The following TMEM131 variants were observed in gnomAD, a reference collection of about 807,000 sequenced individuals.
TMEM131 encodes 2610524E03Rik.
A neutral mutation model predicts 211.6 loss-of-function variants in TMEM131; 66 were observed. The observed-to-expected ratio is 0.31, with a 90% CI of 0.26 to 0.38. TMEM131 has a LOEUF of 0.38. TMEM131 is among the 10% of genes least tolerant of loss of function. The probability of loss-of-function intolerance (pLI) is 1.00; values close to 1 mark genes in which losing one functional copy is unlikely to be tolerated. For missense variants in TMEM131, 2,036 were observed against 2,299.3 expected (o/e 0.89, Z 2.34); for synonymous variants, 844 against 841.3 (o/e 1.00, Z -0.06).
In TMEM131 at chr2:97,766,109, C is replaced by T; in HGVS notation, c.4723+5G>A. ...GCCCTGTGGTTTCTAAACTACTATA[C>T]TTACAGCTGCCAGGTTTGTGAACTG... On this transcript the variant is annotated splice_donor_5th_base_variant and intron_variant, in intron 35 of 40. Coordinates refer to ENST00000186436, the MANE Select transcript of TMEM131 (RefSeq NM_015348.2). 1 of 1,613,908 alleles carries T rather than the reference C, an allele frequency of 6.2e-7. No homozygotes were observed. Among genetic ancestry groups the T allele is most frequent in the Non-Finnish European group, 8.5e-7 (1 of 1,179,822 alleles).
chr2:97,881,828 A>T (rs1348280209), intron 4 of TMEM131, among the ~76,000 whole-genome samples: 3 of 151,934 alleles, frequency 2.0e-5, no homozygotes, highest in Non-Finnish European at 4.4e-5. Context: ...AATAACATTC[A>T]TGTTAAAAAG....
At chr2:97,861,762 C>G (rs1173572293) in intron 4 of TMEM131, among the ~76,000 whole-genome samples, 1 of 152,104 alleles carries the variant, frequency 6.6e-6, no homozygotes, top group Non-Finnish European at 1.5e-5. Flanking sequence ...CTGGACTGGT[C>G]TGGACACACC....
chr2:97,879,789 T>A (rs188460227), intron 4 of TMEM131, among the ~76,000 whole-genome samples: 45 of 152,316 alleles, frequency 3.0e-4, no homozygotes, highest in Non-Finnish European at 5.1e-4. Context: ...ATAATGCCTA[T>A]TACATACAAA....
intron 4 of TMEM131, among the ~76,000 whole-genome samples, chr2:97,866,456 G>A (rs1674275238): frequency 6.6e-6 from 1 of 152,134 alleles, no homozygotes; most frequent in Admixed American, 6.5e-5. Context: ...CTAAAGGTTT[G>A]ACAATTCGAT....
At chr2:97,979,505 C>T (rs1464851078) in intron 1 of TMEM131, among the ~76,000 whole-genome samples, 4 of 152,218 alleles carry the variant, frequency 2.6e-5, no homozygotes, top group South Asian at 2.1e-4. Context: ...ACTTGTACAT[C>T]GGCACTTAAC....
rs577060222 is a variant in TMEM131 at position 97,814,847 on chromosome 2, C to T, written c.1292+352G>A. On this transcript the variant is annotated intron_variant, in intron 13 of 40. Transcript: ENST00000186436. ...TAAAGGAATATAAAGAATTCTGTTTCGAGTGTCAAAATACTTTAATAATAG... is the reference window on the plus strand; with the variant it reads ...TAAAGGAATATAAAGAATTCTGTTTTGAGTGTCAAAATACTTTAATAATAG... Among the ~76,000 whole-genome samples, 14 of 152,076 alleles carry T rather than the reference C, an allele frequency of 9.2e-5. No individual in the cohort carries two copies. In the South Asian group the frequency reaches 1.0e-3, roughly 11 times the overall value.
chr2:97,864,241 G>T (rs552838970), intron 4 of TMEM131, among the ~76,000 whole-genome samples: 1 of 152,084 alleles, frequency 6.6e-6, no homozygotes, highest in Non-Finnish European at 1.5e-5. Context: ...GGATAGCAGC[G>T]GGGATGGGTA....
chr2:97,797,281 T>G (rs567597489), intron 26 of TMEM131, 84 bp downstream of exon 26: 1 of 1,277,338 alleles, frequency 7.8e-7, no homozygotes, highest in African/African-American at 1.5e-5. Context: ...TTTCATAAGT[T>G]AGACATGCAA....
At chr2:97,947,412 G>C (rs906467022) in intron 1 of TMEM131, among the ~76,000 whole-genome samples, 21 of 151,840 alleles carry the variant, frequency 1.4e-4, no homozygotes, top group Non-Finnish European at 2.8e-4. Flanking sequence ...TAGGAAAGTA[G>C]GAAAATGCAA....
rs1369081155 is a variant in TMEM131 at position 97,792,918 on chromosome 2, G to C, written c.3612C>G (p.Ser1204=). The C allele has an allele frequency of 4.3e-6, 7 of 1,611,976 alleles. No homozygotes were observed. The Admixed American group carries it at 1.2e-4, about 27-fold the overall frequency. The change falls in exon 31 of 41, where the codon TCC becomes TCG. Residue 1204 remains serine, a synonymous_variant. Transcript: ENST00000186436. ...GCTTATGACTCCCGGCACTGGGTCGGGATGATGAACCGCCTGCTCCACAGA... is the reference window on the plus strand; with the variant it reads ...GCTTATGACTCCCGGCACTGGGTCGCGATGATGAACCGCCTGCTCCACAGA... ...RGFCGAGGSS[S]RPSAGSHKQC... is the part of the protein sequence containing the mutation.
intron 31 of TMEM131, among the ~76,000 whole-genome samples, chr2:97,786,487 C>G (rs1680254571): frequency 6.6e-6 from 1 of 152,308 alleles, no homozygotes; most frequent in African/African-American, 2.4e-5. Context: ...TGAGATCACA[C>G]CACTGCACTC....
At chr2:97,958,444 C>A (rs1330761367) in intron 1 of TMEM131, among the ~76,000 whole-genome samples, 1 of 152,164 alleles carries the variant, frequency 6.6e-6, no homozygotes, top group Non-Finnish European at 1.5e-5. Context: ...CAGTAACAAA[C>A]CCTGAAACCA....
intron 4 of TMEM131, among the ~76,000 whole-genome samples, chr2:97,882,770 T>C (rs1674989335): frequency 6.6e-6 from 1 of 152,222 alleles, no homozygotes. Flanking sequence ...TGCCTCTGAT[T>C]GAACCCTTAC....
At chr2:97,911,847 T>C (rs1250316490) in intron 2 of TMEM131, among the ~76,000 whole-genome samples, 11 of 152,198 alleles carry the variant, frequency 7.2e-5, no homozygotes, top group Non-Finnish European at 4.4e-5. Flanking sequence ...ATTTTGTTTC[T>C]GAAGCAATTT....
chr2:97,987,195 A>T (rs1356293276), intron 1 of TMEM131, among the ~76,000 whole-genome samples: 1 of 152,234 alleles, frequency 6.6e-6, no homozygotes, highest in Non-Finnish European at 1.5e-5. Flanking sequence ...ATCACTTTGC[A>T]ATCATTATAA....
At chr2:97,986,178 T>C (rs1573656208) in intron 1 of TMEM131, among the ~76,000 whole-genome samples, 1 of 152,288 alleles carries the variant, frequency 6.6e-6, no homozygotes, top group Non-Finnish European at 1.5e-5. Flanking sequence ...TTAAAATAAA[T>C]TAAAACAACG....
intron 8 of TMEM131, among the ~76,000 whole-genome samples, chr2:97,836,789 G>C (rs938668662): frequency 5.9e-5 from 9 of 151,940 alleles, no homozygotes; most frequent in Admixed American, 5.2e-4. Context: ...CAGACTCAGA[G>C]ACAACTTTAC....
chr2:97,793,654 G>C, intron 29 of TMEM131, 101 bp from the exon 30 acceptor site: 14 of 1,204,908 alleles, frequency 1.2e-5, no homozygotes, highest in Non-Finnish European at 1.6e-5. Flanking sequence ...AGTACAATAT[G>C]ATGTAATAGA....
intron 1 of TMEM131, among the ~76,000 whole-genome samples, chr2:97,941,419 G>A (rs962355061): frequency 1.3e-5 from 2 of 152,260 alleles, no homozygotes; most frequent in South Asian, 2.1e-4. Context: ...CATGGGCAAC[G>A]ACTTCATGAC....
Sources: allele counts gnomAD v4.1 joint callset (sites outside exome capture counted in the v4.1 genomes callset), GRCh38; gene constraint gnomAD v4.1.1; transcripts MANE v1.5; gene names NCBI Gene and HGNC (gene_info 2026-07-23, HGNC 2026-07-21).